TMEM42: variants seen among roughly 807,000 people sequenced by gnomAD.
TMEM42 encodes the protein transmembrane protein 42.
TMEM42 carries 8 observed loss-of-function variants against 14.0 expected under a neutral mutation model. The observed-to-expected ratio is 0.57, with a 90% CI of 0.34 to 1.03. The LOEUF is 1.03. Ranked by LOEUF, TMEM42 falls within the 50% of genes least tolerant of loss-of-function variation. TMEM42 has a pLI of 0.03. For missense variants in TMEM42, 211 were observed against 219.8 expected, an observed-to-expected ratio of 0.96 and a Z score of 0.25; for synonymous variants, 115 against 94.3, an observed-to-expected ratio of 1.22 and a Z score of -1.27.
intron 1 of TMEM42, chr3:44,863,338 T>C (rs1049443890): frequency 8.0e-6 from 1 of 125,220 alleles, no homozygotes; most frequent in Non-Finnish European, 1.6e-5. Flanking sequence ...GGCAGGTTTC[T>C]AACTCACCAC....
Position 44,865,601 on chromosome 3 carries a change from T to C in TMEM42, c.*421T>C, listed in dbSNP as rs1028684372. 4.5e-5 allele frequency: 8 copies of C among 178,140 alleles called. No homozygotes were observed. Among genetic ancestry groups the C allele is most frequent in the African/African-American group, 1.9e-4 (8 of 43,224 alleles). 11.0% of individuals were successfully genotyped at this position (178,140 alleles called of 1,614,324 possible). On this transcript the variant is annotated 3_prime_UTR_variant, in exon 3 of 3. Coordinates refer to ENST00000302392, the MANE Select transcript of TMEM42 (RefSeq NM_144638.3). ...CTGATGTATCAGGCCATCTGTGTCA[T>C]GCTTATGTATTATGGCAAGAAGAGG...
chr3:44,864,351 G>C lies in TMEM42; in HGVS notation c.339+8G>C. ...TCAAATATCCTCAGCTCGGTGAGTA[G>C]CCTGAGGGTGTGGTGCTCTTGTCCT... On this transcript the variant is annotated splice_region_variant and intron_variant, in intron 2 of 2. Coordinates refer to ENST00000302392, the MANE Select transcript of TMEM42 (RefSeq NM_144638.3). 2 of 1,614,096 alleles carry C rather than the reference G, an allele frequency of 1.2e-6. No individual in the cohort carries two copies. Among genetic ancestry groups the C allele is most frequent in the Non-Finnish European group, 1.7e-6 (2 of 1,180,006 alleles).
At chr3:44,862,433 C>G (rs1343497738) in intron 1 of TMEM42, 1 of 153,022 alleles carries the variant, frequency 6.5e-6, no homozygotes, top group African/African-American at 2.4e-5. Context: ...TGGGCTAGTT[C>G]GCTCTCGGGG....
At position 44,862,065 on chromosome 3, in the gene TMEM42, C is replaced by A. The variant is rs770214018; in HGVS notation, c.141C>A (p.Gly47=). ...FWGVFNCLCA[G]AFGALAAASA... ...GCGTATTCAACTGTCTGTGCGCCGG[C>A]GCGTTCGGGGCCCTGGCCGCCGCCT... The change falls in exon 1 of 3, where the codon GGC becomes GGA. Residue 47 remains glycine (G), a synonymous_variant. Coordinates refer to ENST00000302392, the MANE Select transcript of TMEM42 (RefSeq NM_144638.3). The A allele has an allele frequency of 8.1e-7, 1 of 1,238,560 alleles. No individual in the cohort carries two copies. Among genetic ancestry groups the A allele is most frequent in the East Asian group, 3.7e-5 (1 of 27,310 alleles). The allele number at this position is 1,238,560 out of a possible 1,614,324, so 76.7% of individuals were successfully genotyped here. A position where few individuals can be genotyped will look rare whatever the true frequency, so the allele number is the denominator to read the frequency against.
chr3:44,864,391 G>A, intron 2 of TMEM42, 48 bp downstream of exon 2: 5 of 1,611,034 alleles, frequency 3.1e-6, no homozygotes, highest in Non-Finnish European at 4.2e-6. Flanking sequence ...CTGGGTTCTG[G>A]GTGAGTTGTC....
At chr3:44,864,432 G>A in intron 2 of TMEM42, 89 bp downstream of exon 2, 1 of 1,537,156 alleles carries the variant, frequency 6.5e-7, no homozygotes, top group Non-Finnish European at 8.9e-7. Flanking sequence ...CCAGACAGGA[G>A]AAAGGACAGG....
chr3:44,863,900 G>A (rs1364885369), intron 1 of TMEM42: 4 of 391,596 alleles, frequency 1.0e-5, no homozygotes, highest in African/African-American at 6.0e-5. Context: ...ATAAGGGGCC[G>A]GTGTTCAGTA....
At chr3:44,864,112 C>G in intron 1 of TMEM42, 85 bp from the exon 2 acceptor site, 1 of 1,570,084 alleles carries the variant, frequency 6.4e-7, no homozygotes, top group Non-Finnish European at 8.7e-7. Flanking sequence ...TGGGTGCCAG[C>G]AACCACAGTC....
rs1231653453 is a variant in TMEM42, at chr3:44,864,967, A to G, written c.340-73A>G. On this transcript the variant is annotated intron_variant, in intron 2 of 2. Transcript: ENST00000302392. ...TTTCCTCCTGGCACCCTTAGAAGGA[A>G]GTCAGTCCCAGGAGAGTGAGGTTGT... 4.4e-6 allele frequency: 7 copies of G among 1,586,080 alleles called. No individual in the cohort carries two copies. The East Asian group carries it at 1.6e-4, about 36-fold the overall frequency.
chr3:44,862,059 C>T lies in TMEM42; in HGVS notation c.135C>T (p.Cys45=), dbSNP rs376379431. 5 of 1,313,370 alleles carry T rather than the reference C, an allele frequency of 3.8e-6. No homozygotes were observed. The African/African-American group carries it at 4.6e-5, about 12-fold the overall frequency. 81.4% of individuals were successfully genotyped at this position (1,313,370 alleles called of 1,614,324 possible). ...RRFWGVFNCL[C]AGAFGALAAA... The stretch of plus-strand genomic sequence containing the variant: ...TTTGGGGCGTATTCAACTGTCTGTG[C>T]GCCGGCGCGTTCGGGGCCCTGGCCG... The change falls in exon 1 of 3, where the codon TGC becomes TGT. Residue 45 remains cysteine (C), a synonymous_variant. Coordinates refer to ENST00000302392, the MANE Select transcript of TMEM42 (RefSeq NM_144638.3).
Position 44,865,120 on chromosome 3 carries a change from C to G in TMEM42, c.420C>G (p.Leu140=). The change falls in exon 3 of 3, where the codon CTC becomes CTG. Residue 140 remains leucine, a synonymous_variant. Coordinates refer to ENST00000302392, the MANE Select transcript of TMEM42 (RefSeq NM_144638.3). ...WGGVFLILCG[L]TLIHRKLPPT... Reference sequence around the variant, plus strand: ...GAGTGTTCCTTATTCTCTGCGGACTCACCCTAATCCACAGGAAGCTCCCAC... The same window carrying G: ...GAGTGTTCCTTATTCTCTGCGGACTGACCCTAATCCACAGGAAGCTCCCAC... 6.2e-7 allele frequency: 1 copy of G among 1,614,176 alleles called. No homozygotes were observed. Among genetic ancestry groups the G allele is most frequent in the Non-Finnish European group, 8.5e-7 (1 of 1,180,028 alleles).
chr3:44,865,549 C>CT lies in TMEM42; in HGVS notation c.*370dup, dbSNP rs1286939972. 4.3e-6 allele frequency: 1 copy of CT among 230,294 alleles called. No homozygotes were observed. The highest frequency in any genetic ancestry group is 2.2e-5 in the African/African-American group (1 of 46,482). 14.3% of individuals were successfully genotyped at this position (230,294 alleles called of 1,614,324 possible). The stretch of plus-strand genomic sequence containing the variant: ...AGTCATGTAACTCTAGAAGCAGTGA[C>CT]TGGTGGGGCTTTCTGACAGTTCCAT... On this transcript the variant is annotated 3_prime_UTR_variant, in exon 3 of 3. Transcript: ENST00000302392.
At position 44,865,060 on chromosome 3, in the gene TMEM42, G is replaced by A. The variant is rs1300193081; in HGVS notation, c.360G>A (p.Leu120=). The change falls in exon 3 of 3, where the codon CTG becomes CTA. Residue 120 remains leucine (L), a synonymous_variant. Transcript: ENST00000302392. ...CGCAGGCCTTCCTGGGCTATGTGCT[G>A]TATGGAGAGTGCCAGGAGGTCTTGT... ...ILSSAFLGYV[L]YGECQEVLWW... is the part of the protein sequence containing the mutation. The A allele has an allele frequency of 1.2e-6, 2 of 1,614,056 alleles. No homozygotes were observed. The highest frequency in any genetic ancestry group is 2.2e-5 in the East Asian group (1 of 44,886).
At position 44,861,930 on chromosome 3, in the gene TMEM42, C is replaced by T. The variant is rs1487759304; in HGVS notation, c.6C>T (p.Ala2=). 4.9e-6 allele frequency: 7 copies of T among 1,443,098 alleles called. No homozygotes were observed. Among genetic ancestry groups the T allele is most frequent in the Non-Finnish European group, 6.4e-6 (7 of 1,101,820 alleles). 89.4% of individuals were successfully genotyped at this position (1,443,098 alleles called of 1,614,324 possible). A position where few individuals can be genotyped will look rare whatever the true frequency, so the allele number is the denominator to read the frequency against. The part of the protein sequence containing the change: M[A]ERPGPPGGAV... ...GCACGGTGTCAGCAGGCAACATGGC[C>T]GAGAGGCCGGGGCCTCCGGGCGGCG... Residue 2 remains alanine, a synonymous_variant, in exon 1 of 3, where the codon GCC becomes GCT. Coordinates refer to ENST00000302392, the MANE Select transcript of TMEM42 (RefSeq NM_144638.3).
At chr3:44,862,147 C>T in intron 1 of TMEM42, 31 bp downstream of exon 1, 2 of 143,722 alleles carry the variant, frequency 1.4e-5, no homozygotes, top group Non-Finnish European at 2.8e-5. Context: ...GGTGCTGCTG[C>T]TGCGGGCGGG....
At position 44,864,228 on chromosome 3, in the gene TMEM42, T is replaced by C. The variant is rs746303010; in HGVS notation, c.224T>C (p.Ile75Thr). 2 of 1,614,184 alleles carry C rather than the reference T, an allele frequency of 1.2e-6. No homozygotes were observed. Among genetic ancestry groups the C allele is most frequent in the Non-Finnish European group, 1.7e-6 (2 of 1,180,036 alleles). The part of the protein sequence containing the change: ...VSMGLCVLGI[I>T]VMASTNSLMW... ...ATGGGTTTATGCGTCTTAGGCATTA[T>C]TGTGATGGCGAGCACCAATTCTCTG... Residue 75 changes from isoleucine to threonine, a missense_variant, in exon 2 of 3, where the codon ATT (isoleucine) becomes ACT (threonine). By Grantham distance (89) the Ile-to-Thr change is moderately conservative. Coordinates refer to ENST00000302392, the MANE Select transcript of TMEM42 (RefSeq NM_144638.3).
At chr3:44,864,660 A>G (rs916328649) in intron 2 of TMEM42, among the ~76,000 whole-genome samples, 1 of 152,192 alleles carries the variant, frequency 6.6e-6, no homozygotes, top group Non-Finnish European at 1.5e-5. Flanking sequence ...TCAAGGCTCC[A>G]TGGCATTTAG....
In TMEM42 at chr3:44,865,220, G is replaced by A; in HGVS notation, c.*40G>A. 2 of 1,612,910 alleles carry A rather than the reference G, an allele frequency of 1.2e-6. No individual in the cohort carries two copies. Among genetic ancestry groups the A allele is most frequent in the Non-Finnish European group, 1.7e-6 (2 of 1,179,008 alleles). The stretch of plus-strand genomic sequence containing the variant: ...ACGGACCAGCTGGAAAGATCATGAT[G>A]GTGGCCCAGCCTTGGGATGTCATGT... On this transcript the variant is annotated 3_prime_UTR_variant, in exon 3 of 3. Transcript: ENST00000302392.
At chr3:44,863,878 A>T (rs1254847821) in intron 1 of TMEM42, 2 of 341,064 alleles carry the variant, frequency 5.9e-6, no homozygotes, top group Admixed American at 8.0e-5. Context: ...AGCACTGGTC[A>T]TTGTGGGACC....
Sources: gnomAD v4.1 joint callset for allele counts (sites outside exome capture counted in the v4.1 genomes callset) on GRCh38, gnomAD v4.1.1 for gene constraint, MANE v1.5 for transcripts, NCBI Gene and HGNC (gene_info 2026-07-23, HGNC 2026-07-21) for gene names.